The following MAGI2 variants were observed in gnomAD, a reference collection of about 807,000 sequenced individuals.
MAGI2 encodes membrane associated guanylate kinase, WW and PDZ domain containing 2.
MAGI2 carries 35 observed loss-of-function variants against 133.3 expected under a neutral mutation model. The observed-to-expected ratio is 0.26, with a 90% CI of 0.20 to 0.35. MAGI2 has a LOEUF of 0.35. MAGI2 is among the 10% of genes least tolerant of loss of function. The pLI is 1.00. For synonymous variants in MAGI2, 729 were observed against 710.6 expected (o/e 1.03, Z -0.41); for missense variants, 1,636 against 1,863.4 (o/e 0.88, Z 2.25).
At chr7:78,222,590 G>GTA in intron 10 of MAGI2, among the ~76,000 whole-genome samples, 1 of 152,242 alleles carries the variant, frequency 6.6e-6, no homozygotes. Context: ...TTGAACCTAA[G>GTA]GTTCTTAATC....
chr7:79,351,018 A>T (rs1841651364), intron 1 of MAGI2, among the ~76,000 whole-genome samples: 1 of 152,174 alleles, frequency 6.6e-6, no homozygotes, highest in Non-Finnish European at 1.5e-5. Flanking sequence ...ATGTTATTAT[A>T]GAGCAGTCCT....
chr7:79,192,504 A>G (rs1262791793), intron 1 of MAGI2, among the ~76,000 whole-genome samples: 1 of 151,904 alleles, frequency 6.6e-6, no homozygotes, highest in Admixed American at 6.6e-5. Context: ...CTACAATTGT[A>G]AAGTTTTGGG....
chr7:78,898,717 C>T lies in MAGI2; in HGVS notation c.418+108373G>A, dbSNP rs1797392981. On this transcript the variant is annotated intron_variant, in intron 2 of 21. Transcript: ENST00000354212. ...AAATAATGGATACTAGGCTTAATAT[C>T]CTGGTGATGAAATAATTTGTCATCA... 2.6e-5 allele frequency among the ~76,000 whole-genome samples: 4 copies of T among 152,054 alleles called. No individual in the cohort carries two copies. In the South Asian group the frequency reaches 8.3e-4, roughly 32 times the overall value.
intron 2 of MAGI2, among the ~76,000 whole-genome samples, chr7:78,691,650 T>C (rs1250398754): frequency 6.6e-6 from 1 of 152,126 alleles, no homozygotes; most frequent in Admixed American, 6.6e-5. Flanking sequence ...CAGACTCTTT[T>C]AGTGAAAAAC....
At chr7:78,565,950 G>T (rs1420947660) in intron 3 of MAGI2, among the ~76,000 whole-genome samples, 2 of 152,154 alleles carry the variant, frequency 1.3e-5, no homozygotes, top group African/African-American at 4.8e-5. Context: ...CCCTGCCTCG[G>T]TTTAGTCATC....
chr7:78,153,258 G>A (rs548889622), intron 16 of MAGI2, among the ~76,000 whole-genome samples: 1 of 152,294 alleles, frequency 6.6e-6, no homozygotes. Flanking sequence ...ATGGCTAATT[G>A]GTTGCTATTT....
At chr7:79,323,090 G>A (rs576897382) in intron 1 of MAGI2, among the ~76,000 whole-genome samples, 4 of 151,976 alleles carry the variant, frequency 2.6e-5, no homozygotes, top group African/African-American at 4.8e-5. Flanking sequence ...CTCCCACCTC[G>A]GCCTCCCAAA....
At chr7:79,144,158 A>C (rs1822398348) in intron 1 of MAGI2, among the ~76,000 whole-genome samples, 1 of 152,224 alleles carries the variant, frequency 6.6e-6, no homozygotes, top group African/African-American at 2.4e-5. Context: ...TACCCACAGC[A>C]GTGCTAGGCA....
At chr7:79,235,663 G>A (rs1831855489) in intron 1 of MAGI2, among the ~76,000 whole-genome samples, 3 of 152,098 alleles carry the variant, frequency 2.0e-5, no homozygotes, top group Admixed American at 2.0e-4. Context: ...CGCGCACGGT[G>A]CGCGCACCCA....
At chr7:79,183,310 C>T (rs1411390364) in intron 1 of MAGI2, among the ~76,000 whole-genome samples, 3 of 151,442 alleles carry the variant, frequency 2.0e-5, no homozygotes, top group African/African-American at 7.3e-5. Context: ...TTCTCATGGA[C>T]CCCATAAACA....
intron 3 of MAGI2, among the ~76,000 whole-genome samples, chr7:78,625,224 T>TA (rs905085516): frequency 1.3e-5 from 2 of 151,822 alleles, no homozygotes; most frequent in African/African-American, 2.4e-5. Context: ...CATCGAGAGA[T>TA]AAAAAAAGAA....
At chr7:78,481,770 A>G (rs895876676) in intron 6 of MAGI2, among the ~76,000 whole-genome samples, 19 of 151,930 alleles carry the variant, frequency 1.3e-4, no homozygotes, top group Admixed American at 1.2e-3. Flanking sequence ...AACCCAAAAT[A>G]CACAACAGAC....
intron 14 of MAGI2, among the ~76,000 whole-genome samples, chr7:78,176,618 A>T (rs576510334): frequency 7.9e-5 from 12 of 152,108 alleles, no homozygotes; most frequent in Admixed American, 7.9e-4. Flanking sequence ...ACCGTTTCAG[A>T]TTCCTCTCAT....
chr7:78,388,022 C>A (rs28613654), intron 6 of MAGI2, among the ~76,000 whole-genome samples: 81,890 of 151,436 alleles, frequency 0.54, 23,067 homozygotes, highest in Middle Eastern at 0.66. Context: ...TGCAAATACC[C>A]AACGGCTATT....
Position 79,350,870 on chromosome 7 carries a change from T to C in MAGI2, c.301+102150A>G, listed in dbSNP as rs181145149. Among the ~76,000 whole-genome samples, 920 of 152,248 alleles carry C rather than the reference T, an allele frequency of 6.0e-3. 6 individuals are homozygous for C. The highest frequency in any genetic ancestry group is 0.021 in the African/African-American group (869 of 41,568). The stretch of plus-strand genomic sequence containing the variant: ...TTAAGAAAAGGACCTCAAAAGCATC[T>C]GGAAATGAGGGAAATCTATGTCCCT... On this transcript the variant is annotated intron_variant, in intron 1 of 21. Transcript: ENST00000354212.
At chr7:78,418,920 A>T (rs1658700986) in intron 6 of MAGI2, among the ~76,000 whole-genome samples, 2 of 152,184 alleles carry the variant, frequency 1.3e-5, no homozygotes, top group Admixed American at 6.6e-5. Flanking sequence ...CTTTGCTGAC[A>T]AACAGCAATA....
At chr7:78,534,268 T>A (rs532870416) in intron 3 of MAGI2, among the ~76,000 whole-genome samples, 2 of 152,182 alleles carry the variant, frequency 1.3e-5, no homozygotes, top group African/African-American at 2.4e-5. Context: ...AGAAAAAAAA[T>A]TGGAATTATG....
At chr7:79,050,966 AC>A (rs1416575175) in intron 1 of MAGI2, among the ~76,000 whole-genome samples, 1 of 152,206 alleles carries the variant, frequency 6.6e-6, no homozygotes, top group Non-Finnish European at 1.5e-5. Flanking sequence ...GTACTCTGAG[AC>A]CATGATAAAA....
intron 1 of MAGI2, among the ~76,000 whole-genome samples, chr7:79,423,616 A>T (rs1047536914): frequency 6.6e-6 from 1 of 152,094 alleles, no homozygotes; most frequent in African/African-American, 2.4e-5. Flanking sequence ...TGATTTAGAT[A>T]CGAAGTATAT....
Sources: allele counts gnomAD v4.1 joint callset (sites outside exome capture counted in the v4.1 genomes callset), GRCh38; gene constraint gnomAD v4.1.1; transcripts MANE v1.5; gene names NCBI Gene and HGNC (gene_info 2026-07-23, HGNC 2026-07-21).